COL6A6: variants seen among roughly 807,000 people sequenced by gnomAD.
COL6A6 encodes collagen alpha-6(VI) chain.
Under a neutral mutation model 208.6 loss-of-function variants are expected in COL6A6, and 183 were observed. That is an observed-to-expected ratio of 0.88 (90% CI 0.78 to 0.99). The LOEUF (loss-of-function observed/expected upper bound fraction) is 0.99. Among genes scored for constraint, COL6A6 ranks in the 50% least tolerant of loss-of-function variants. The probability of loss-of-function intolerance (pLI) is 0.00; values close to 1 mark genes in which losing one functional copy is unlikely to be tolerated. For missense variants in COL6A6, 2,816 were observed against 2,815.2 expected (o/e 1.00, Z -0.01); for synonymous variants, 973 against 1,011.8 (o/e 0.96, Z 0.73).
intron 33 of COL6A6, among the ~76,000 whole-genome samples, chr3:130,652,798 T>G (rs145772896): frequency 3.7e-4 from 56 of 152,340 alleles, no homozygotes; most frequent in African/African-American, 1.2e-3. Context: ...ATACAATGCA[T>G]TTTTATTGTG....
In COL6A6 at chr3:130,539,738, T is replaced by A. The variant is rs76104540; in HGVS notation, c.-31-20596T>A. Among the ~76,000 whole-genome samples, 1,411 of 152,322 alleles carry A rather than the reference T, an allele frequency of 9.3e-3. 25 individuals are homozygous for A. Among genetic ancestry groups the A allele is most frequent in the African/African-American group, 0.031 (1,281 of 41,572 alleles). Reference sequence around the variant, plus strand: ...AGGTTCTTTTGATCAAAATATGCTCTTCACTTCCTTGTTTCCTGCCACACT... The same window carrying A: ...AGGTTCTTTTGATCAAAATATGCTCATCACTTCCTTGTTTCCTGCCACACT... On this transcript the variant is annotated intron_variant, in intron 1 of 36. Transcript: ENST00000358511.
intron 24 of COL6A6, among the ~76,000 whole-genome samples, chr3:130,622,820 G>A (rs560456884): frequency 1.2e-4 from 19 of 152,118 alleles, no homozygotes; most frequent in Admixed American, 2.6e-4. Flanking sequence ...TCGCACCACC[G>A]CACTCCAGCC....
In COL6A6 at chr3:130,561,110, T is replaced by C. The variant is rs149903611; in HGVS notation, c.64+682T>C. ...CCTTGAGCTTCTCAAGTAGAAGCCA[T>C]GATTTTTCCTCCATTGTTTCATGGT... On this transcript the variant is annotated intron_variant, in intron 2 of 36. Transcript: ENST00000358511. Among the ~76,000 whole-genome samples, 107 of 152,374 alleles carry C rather than the reference T, an allele frequency of 7.0e-4. 1 individual carries two copies. In the East Asian group the frequency reaches 0.019, roughly 27 times the overall value.
rs1252500149 is a variant in COL6A6 at position 130,551,646 on chromosome 3, T to C, written c.-31-8688T>C. Among the ~76,000 whole-genome samples the C allele has an allele frequency of 4.7e-5, 7 of 150,476 alleles. No individual in the cohort carries two copies. In the East Asian group the frequency reaches 1.2e-3, roughly 25 times the overall value. ...GATCTTTTGGGTTTTTTTTTTTTTT[T>C]CACATCTCCATTTTCTTCATTTCAG... On this transcript the variant is annotated intron_variant, in intron 1 of 36. Coordinates refer to ENST00000358511, the MANE Select transcript of COL6A6 (RefSeq NM_001102608.3).
chr3:130,643,442 G>T (rs2065376112), intron 31 of COL6A6, among the ~76,000 whole-genome samples: 1 of 151,976 alleles, frequency 6.6e-6, no homozygotes, highest in African/African-American at 2.4e-5. Context: ...CCTGACTTTG[G>T]TTTATTGTTT....
At chr3:130,562,959 G>T (rs1577709205) in intron 2 of COL6A6, 109 bp from the exon 3 acceptor site, 2 of 750,424 alleles carry the variant, frequency 2.7e-6, no homozygotes, top group Non-Finnish European at 4.4e-6. Context: ...TATTGGGAAG[G>T]TATTTTAAAA....
Position 130,649,253 on chromosome 3 carries a change from C to CG in COL6A6, c.5425dup (p.Ala1809GlyfsTer21), listed in dbSNP as rs754133776. The CG allele has an allele frequency of 1.3e-6, 2 of 1,596,890 alleles. No homozygotes were observed. Among genetic ancestry groups the CG allele is most frequent in the Admixed American group, 3.5e-5 (2 of 57,306 alleles). ...TCGCCATCCTCTCCTATAACTCCCA[C>CG]GCCAGGCACCTTGTGCGCTTCTCAG... On this transcript the variant is annotated frameshift_variant, in exon 33 of 37. Coordinates refer to ENST00000358511, the MANE Select transcript of COL6A6 (RefSeq NM_001102608.3). LOFTEE classifies it high-confidence loss of function.
At chr3:130,566,613 A>T in intron 4 of COL6A6, 89 bp from the exon 5 acceptor site, 1 of 1,058,126 alleles carries the variant, frequency 9.5e-7, no homozygotes, top group Non-Finnish European at 1.3e-6. Context: ...CTGTCTGAAG[A>T]GGTTCATATT....
At chr3:130,670,784 C>G (rs1233996703) in intron 36 of COL6A6, among the ~76,000 whole-genome samples, 1 of 152,272 alleles carries the variant, frequency 6.6e-6, no homozygotes, top group African/African-American at 2.4e-5. Context: ...AATCTGTGGC[C>G]TACAGGCTGC....
chr3:130,533,215 C>T (rs553109020), intron 1 of COL6A6, among the ~76,000 whole-genome samples: 6 of 149,070 alleles, frequency 4.0e-5, no homozygotes, highest in Non-Finnish European at 8.8e-5. Context: ...TTTGTTGCCT[C>T]TGTCAATAAT....
At chr3:130,647,112 C>T (rs1482532665) in intron 32 of COL6A6, among the ~76,000 whole-genome samples, 1 of 152,134 alleles carries the variant, frequency 6.6e-6, no homozygotes, top group Non-Finnish European at 1.5e-5. Flanking sequence ...TGTGAGGTCA[C>T]AGAGCCATGT....
chr3:130,594,670 G>T (rs9874134), intron 18 of COL6A6, among the ~76,000 whole-genome samples: 1 of 152,256 alleles, frequency 6.6e-6, no homozygotes, highest in Non-Finnish European at 1.5e-5. Context: ...ATGACAGAAA[G>T]AAAGCCATGT....
intron 24 of COL6A6, among the ~76,000 whole-genome samples, chr3:130,623,534 C>T (rs1466227722): frequency 1.3e-5 from 2 of 151,982 alleles, no homozygotes; most frequent in Non-Finnish European, 2.9e-5. Context: ...GTCTCCAAGG[C>T]AAATAGTGAT....
chr3:130,655,406 T>C (rs2065761601), intron 33 of COL6A6, among the ~76,000 whole-genome samples: 1 of 152,206 alleles, frequency 6.6e-6, no homozygotes. Flanking sequence ...GTCAGACATC[T>C]GAGGCCTCTA....
At chr3:130,650,923 T>G (rs1281610049) in intron 33 of COL6A6, among the ~76,000 whole-genome samples, 1 of 152,208 alleles carries the variant, frequency 6.6e-6, no homozygotes, top group Non-Finnish European at 1.5e-5. Context: ...TGACTTCTAT[T>G]TTTCCTAGAT....
At chr3:130,614,716 TTTC>T (rs1428208763) in intron 23 of COL6A6, among the ~76,000 whole-genome samples, 2 of 152,078 alleles carry the variant, frequency 1.3e-5, no homozygotes, top group African/African-American at 4.8e-5. Flanking sequence ...AGGGATTCAA[TTTC>T]TTTGTGGTTC....
Position 130,566,742 on chromosome 3 carries a change from C to A in COL6A6, c.1323C>A (p.Ile441=), listed in dbSNP as rs373909064. The A allele has an allele frequency of 6.2e-6, 10 of 1,613,336 alleles. No individual in the cohort carries two copies. Among genetic ancestry groups the A allele is most frequent in the African/African-American group, 2.7e-5 (2 of 74,870 alleles). ...DTEEADIYLL[I]DGSGSTQATD... Reference sequence around the variant, plus strand: ...AGGAAGCAGACATCTATCTGCTTATCGATGGCTCAGGGAGCACCCAGGCCA... The same window carrying A: ...AGGAAGCAGACATCTATCTGCTTATAGATGGCTCAGGGAGCACCCAGGCCA... The change falls in exon 5 of 37, where the codon ATC becomes ATA. Residue 441 remains isoleucine (I), a synonymous_variant. Transcript: ENST00000358511.
chr3:130,598,012 A>G (rs2063898007), intron 18 of COL6A6, among the ~76,000 whole-genome samples: 4 of 152,188 alleles, frequency 2.6e-5, no homozygotes, highest in Admixed American at 1.3e-4. Flanking sequence ...CCAAGAAAAA[A>G]GAGGAAAAGT....
At chr3:130,549,748 G>A (rs1356282195) in intron 1 of COL6A6, among the ~76,000 whole-genome samples, 1 of 152,092 alleles carries the variant, frequency 6.6e-6, no homozygotes, top group African/African-American at 2.4e-5. Flanking sequence ...ATTGGTCTGT[G>A]TGTCTGCTTT....
Sources: allele counts gnomAD v4.1 joint callset (sites outside exome capture counted in the v4.1 genomes callset), GRCh38; gene constraint gnomAD v4.1.1; transcripts MANE v1.5; gene names NCBI Gene and HGNC (gene_info 2026-07-23, HGNC 2026-07-21).